Variants in OSBPL1A observed in about 807,000 individuals in gnomAD.
OSBPL1A encodes oxysterol binding protein like 1A, also known as oxysterol-binding protein-related protein 1.
In OSBPL1A, 80 loss-of-function variants were observed where a neutral mutation model predicts 137.1. The ratio of observed to expected loss-of-function variants is 0.58; its 90% CI spans 0.49 to 0.70. The LOEUF (loss-of-function observed/expected upper bound fraction) is 0.70, where lower values mean the gene tolerates loss of function less well. Among genes scored for constraint, OSBPL1A ranks in the 30% least tolerant of loss-of-function variants. The probability of loss-of-function intolerance (pLI) is 0.00; values close to 1 mark genes in which losing one functional copy is unlikely to be tolerated. For synonymous variants in OSBPL1A, 365 were observed against 389.7 expected (o/e 0.94, Z 0.75); for missense variants, 970 against 1,129.4 (o/e 0.86, Z 2.02).
chr18:24,231,446 C>T (rs1471680444), intron 16 of OSBPL1A, among the ~76,000 whole-genome samples: 2 of 152,130 alleles, frequency 1.3e-5, no homozygotes, highest in South Asian at 2.1e-4. Flanking sequence ...GCGCCCACCA[C>T]CACGCCCAGC....
chr18:24,255,630 T>C lies in OSBPL1A; in HGVS notation c.1282-16248A>G, dbSNP rs2089249907. On this transcript the variant is annotated intron_variant, in intron 15 of 27. Coordinates refer to ENST00000319481, the MANE Select transcript of OSBPL1A (RefSeq NM_080597.4). Reference sequence around the variant, plus strand: ...AGACCGAACCAATGTTCATCTTACATATGTTGATTGATGTCTCAAGTCTCC... The same window carrying C: ...AGACCGAACCAATGTTCATCTTACACATGTTGATTGATGTCTCAAGTCTCC... 3.3e-5 allele frequency among the ~76,000 whole-genome samples: 5 copies of C among 152,306 alleles called. No individual in the cohort carries two copies. In the South Asian group the frequency reaches 1.0e-3, roughly 32 times the overall value.
intron 9 of OSBPL1A, among the ~76,000 whole-genome samples, chr18:24,318,364 A>C (rs1267661986): frequency 6.6e-6 from 1 of 152,058 alleles, no homozygotes; most frequent in Non-Finnish European, 1.5e-5. Context: ...GAACCACTTG[A>C]ACCCAGGTAG....
At chr18:24,321,068 T>C (rs2090844011) in intron 7 of OSBPL1A, among the ~76,000 whole-genome samples, 1 of 148,690 alleles carries the variant, frequency 6.7e-6, no homozygotes. Context: ...ATAATAATAA[T>C]AACTGGGAAA....
At chr18:24,281,723 C>T (rs72884886) in intron 14 of OSBPL1A, among the ~76,000 whole-genome samples, 6,043 of 152,222 alleles carry the variant, frequency 0.04, 177 homozygotes, top group African/African-American at 0.071. Context: ...TTTAAGCACA[C>T]GCTTTATTTA....
In OSBPL1A at chr18:24,178,117, T is replaced by C. The variant is rs1261697017; in HGVS notation, c.1989A>G (p.Leu663=). ...AGCCATGAAAGATGAAGTCATTGTT[T>C]AATCCTTCAGCATGAAATGCACTGA... is the stretch of plus-strand genomic sequence containing the variant. ...PPISAFHAEG[L]NNDFIFHGSI... is the part of the protein sequence containing the mutation. The change falls in exon 21 of 28, where the codon TTA becomes TTG. Residue 663 remains leucine, a synonymous_variant. Coordinates refer to ENST00000319481, the MANE Select transcript of OSBPL1A (RefSeq NM_080597.4). The C allele has an allele frequency of 6.2e-7, 1 of 1,613,514 alleles. No homozygotes were observed. Among genetic ancestry groups the C allele is most frequent in the Non-Finnish European group, 8.5e-7 (1 of 1,179,712 alleles).
At chr18:24,219,006 T>C (rs2087800951) in intron 17 of OSBPL1A, among the ~76,000 whole-genome samples, 1 of 151,940 alleles carries the variant, frequency 6.6e-6, no homozygotes, top group African/African-American at 2.4e-5. Flanking sequence ...GCTTTAAAAA[T>C]AGGAGGCCGA....
chr18:24,387,092 C>A (rs1907006501), intron 1 of OSBPL1A, among the ~76,000 whole-genome samples: 1 of 151,358 alleles, frequency 6.6e-6, no homozygotes, highest in African/African-American at 2.4e-5. Context: ...ATAGATATTT[C>A]CTGCACTGCT....
Position 24,196,110 on chromosome 18 carries a change from A to G in OSBPL1A, c.1677+15T>C. The G allele has an allele frequency of 6.9e-6, 11 of 1,592,844 alleles. No homozygotes were observed. The highest frequency in any genetic ancestry group is 7.7e-6 in the Non-Finnish European group (9 of 1,163,366). On this transcript the variant is annotated intron_variant, in intron 18 of 27. Transcript: ENST00000319481. ...CATATCTGCTTAATATCATATGACA[A>G]AACCATTAATTTACCATTCCAATAC...
chr18:24,392,591 A>C (rs1442432601), intron 1 of OSBPL1A, among the ~76,000 whole-genome samples: 1 of 152,262 alleles, frequency 6.6e-6, no homozygotes, highest in East Asian at 1.9e-4. Flanking sequence ...TATGCTAGAA[A>C]TTTGAATGAG....
chr18:24,225,493 T>C (rs1232927812), intron 16 of OSBPL1A, among the ~76,000 whole-genome samples: 1 of 152,208 alleles, frequency 6.6e-6, no homozygotes, highest in African/African-American at 2.4e-5. Flanking sequence ...TATTCAGTGG[T>C]TGCCCCCAAA....
At position 24,377,487 on chromosome 18, in the gene OSBPL1A, C is replaced by T. The variant is rs1906274874; in HGVS notation, c.47G>A (p.Gly16Asp). 6.2e-7 allele frequency: 1 copy of T among 1,612,130 alleles called. No individual in the cohort carries two copies. Among genetic ancestry groups the T allele is most frequent in the Non-Finnish European group, 8.5e-7 (1 of 1,179,596 alleles). ...EQQLLHHARNGNAEEVRQLLE... is the reference protein window; with the variant it reads ...EQQLLHHARNDNAEEVRQLLE... ...TAGTTGTCTTACTTCTTCAGCATTG[C>T]CATTTCTGGCGTGATGGAGAAGCTG... The change falls in exon 2 of 28, where the codon GGC (glycine) becomes GAC (aspartate). Residue 16 changes from glycine (G) to aspartate (D), a missense_variant. By Grantham distance (94) the Gly-to-Asp change is moderately conservative. This residue lies in a region of OSBPL1A where 647 missense variants were observed against 672.6 expected (regional missense o/e 0.96). Coordinates refer to ENST00000319481, the MANE Select transcript of OSBPL1A (RefSeq NM_080597.4).
intron 4 of OSBPL1A, among the ~76,000 whole-genome samples, chr18:24,356,006 G>GA (rs1298228834): frequency 6.7e-5 from 9 of 134,808 alleles, no homozygotes; most frequent in Admixed American, 3.7e-4. Flanking sequence ...AAAAAGAAAA[G>GA]AAAAAAAAAG....
At chr18:24,260,837 C>CAAAAA (rs71373370) in intron 15 of OSBPL1A, among the ~76,000 whole-genome samples, 5 of 120,432 alleles carry the variant, frequency 4.2e-5, no homozygotes, top group African/African-American at 9.2e-5. Flanking sequence ...TAAAAGAACT[C>CAAAAA]AAAAAAAAAA....
intron 15 of OSBPL1A, among the ~76,000 whole-genome samples, chr18:24,263,428 AAAC>A (rs1466253567): frequency 6.6e-6 from 1 of 152,224 alleles, no homozygotes; most frequent in African/African-American, 2.4e-5. Flanking sequence ...CAAAAACAAA[AAAC>A]AATAAAACTT....
chr18:24,355,403 G>A (rs936612811), intron 4 of OSBPL1A, among the ~76,000 whole-genome samples: 4 of 151,894 alleles, frequency 2.6e-5, no homozygotes, highest in Admixed American at 6.6e-5. Context: ...TTGGGAGGGT[G>A]AGGCAGGAGA....
At chr18:24,286,731 C>A (rs1346352442) in intron 14 of OSBPL1A, among the ~76,000 whole-genome samples, 1 of 152,022 alleles carries the variant, frequency 6.6e-6, no homozygotes, top group African/African-American at 2.4e-5. Context: ...AAATAGAGTG[C>A]CAAATATACT....
intron 4 of OSBPL1A, among the ~76,000 whole-genome samples, chr18:24,346,908 AT>A (rs111588736): frequency 3.3e-4 from 47 of 140,560 alleles, no homozygotes; most frequent in Non-Finnish European, 3.7e-4. Context: ...GTGCCTAGCT[AT>A]TTTTTTTTTT....
chr18:24,390,254 T>C (rs892381614), intron 1 of OSBPL1A, among the ~76,000 whole-genome samples: 13 of 152,244 alleles, frequency 8.5e-5, no homozygotes, highest in African/African-American at 3.1e-4. Flanking sequence ...GCAATTCTAC[T>C]TCTGGGTATA....
At chr18:24,310,432 C>CAA (rs3039412) in intron 13 of OSBPL1A, among the ~76,000 whole-genome samples, 23,092 of 89,524 alleles carry the variant, frequency 0.26, 2,780 homozygotes, top group Middle Eastern at 0.32. Flanking sequence ...ACTAAAAATA[C>CAA]AAAAAAAAAA....
Sources: allele counts gnomAD v4.1 joint callset (sites outside exome capture counted in the v4.1 genomes callset), GRCh38; gene constraint gnomAD v4.1.1; regional missense constraint gnomAD v4.1.1; transcripts MANE v1.5; gene names NCBI Gene and HGNC (gene_info 2026-07-23, HGNC 2026-07-21).